The following APBB2 variants were observed in gnomAD, a reference collection of about 807,000 sequenced individuals.
APBB2 encodes the protein Fe65-like 1.
Under a neutral mutation model 82.5 loss-of-function variants are expected in APBB2, and 38 were observed. The observed-to-expected ratio is 0.46, with a 90% CI of 0.36 to 0.60. The LOEUF (loss-of-function observed/expected upper bound fraction) is 0.60. Ranked by LOEUF, APBB2 falls within the 20% of genes least tolerant of loss-of-function variation. APBB2 has a pLI of 0.00. For missense variants in APBB2, 772 were observed against 972.3 expected (o/e 0.79, Z 2.74); for synonymous variants, 341 against 368.2 (o/e 0.93, Z 0.85).
chr4:41,109,783 G>A (rs1748544339), intron 2 of APBB2, among the ~76,000 whole-genome samples: 1 of 152,068 alleles, frequency 6.6e-6, no homozygotes, highest in South Asian at 2.1e-4. Context: ...AAAGCAATAT[G>A]ATTTTATAAA....
At chr4:41,057,446 C>T (rs376284461) in intron 4 of APBB2, among the ~76,000 whole-genome samples, 2 of 152,196 alleles carry the variant, frequency 1.3e-5, no homozygotes, top group South Asian at 2.1e-4. Context: ...AGTAAGACTC[C>T]GTCTCAAAAA....
At chr4:41,202,742 A>C (rs955424859) in intron 1 of APBB2, among the ~76,000 whole-genome samples, 4 of 152,222 alleles carry the variant, frequency 2.6e-5, no homozygotes, top group Admixed American at 1.3e-4. Context: ...AATGTGCTTT[A>C]ATGAAAATCT....
In APBB2 at chr4:40,814,215, T is replaced by C. The variant is rs1745049339; in HGVS notation, c.*1877A>G. 1.3e-5 allele frequency: 2 copies of C among 152,326 alleles called. No homozygotes were observed. Among genetic ancestry groups the C allele is most frequent in the East Asian group, 3.9e-4 (2 of 5,182 alleles). The allele number at this position is 152,326 out of a possible 1,614,324, so 9.4% of individuals were successfully genotyped here. On this transcript the variant is annotated 3_prime_UTR_variant, in exon 18 of 18. Transcript: ENST00000508593. Reference sequence around the variant, plus strand: ...CCTCTACAACACTTTTGAGGCACGCTGTAGGAAAACAGTCCTGGACTTAGA... The same window carrying C: ...CCTCTACAACACTTTTGAGGCACGCCGTAGGAAAACAGTCCTGGACTTAGA...
chr4:41,038,536 T>TA, intron 4 of APBB2, among the ~76,000 whole-genome samples: 1 of 152,200 alleles, frequency 6.6e-6, no homozygotes, highest in East Asian at 1.9e-4. Flanking sequence ...CAATGCCAGA[T>TA]AAACACTGCT....
At chr4:40,849,464 T>G (rs375175406) in intron 12 of APBB2, among the ~76,000 whole-genome samples, 63 of 152,346 alleles carry the variant, frequency 4.1e-4, no homozygotes, top group Middle Eastern at 3.4e-3. Context: ...CGTATATTGA[T>G]TTCTATCAAG....
chr4:41,116,524 G>A (rs902832237), intron 2 of APBB2, among the ~76,000 whole-genome samples: 5 of 152,078 alleles, frequency 3.3e-5, no homozygotes, highest in South Asian at 2.1e-4. Flanking sequence ...CCAGCTACTC[G>A]GGAGGCTGAG....
chr4:40,949,593 G>A (rs147916553), intron 6 of APBB2, among the ~76,000 whole-genome samples: 9 of 152,170 alleles, frequency 5.9e-5, no homozygotes, highest in Admixed American at 2.6e-4. Flanking sequence ...GGACCAACGA[G>A]ACGAGAGGGA....
At chr4:40,907,671 CTTTTTTTTTTT>C (rs34413606) in intron 10 of APBB2, among the ~76,000 whole-genome samples, 5 of 94,866 alleles carry the variant, frequency 5.3e-5, no homozygotes, top group African/African-American at 1.6e-4. Context: ...GTGCCTGACC[CTTTTTTTTTTT>C]TTTTTTTTTT....
At chr4:41,191,397 T>C (rs1377259719) in intron 1 of APBB2, among the ~76,000 whole-genome samples, 1 of 152,232 alleles carries the variant, frequency 6.6e-6, no homozygotes, top group Admixed American at 6.5e-5. Context: ...TAAAGTTTAT[T>C]TCTACGCATT....
chr4:41,070,860 C>T (rs909810643), intron 3 of APBB2, among the ~76,000 whole-genome samples: 4 of 152,036 alleles, frequency 2.6e-5, no homozygotes, highest in African/African-American at 7.2e-5. Context: ...GATAAATATA[C>T]GCTATTCACT....
chr4:40,986,551 G>T (rs1260409466), intron 6 of APBB2, among the ~76,000 whole-genome samples: 1 of 152,198 alleles, frequency 6.6e-6, no homozygotes, highest in African/African-American at 2.4e-5. Context: ...TGGTATCAAT[G>T]CTTCCTTGTC....
rs148601381 is a variant in APBB2, at chr4:41,061,506, AATG to A, written c.-51+4067_-51+4069del. On this transcript the variant is annotated intron_variant, in intron 4 of 17. Transcript: ENST00000508593. ...TGAATACCGCAGGCAAATGTGATAC[AATG>A]ATAAGTATTTGGGCACCTAAACATA... 4.5e-4 allele frequency among the ~76,000 whole-genome samples: 69 copies of A among 152,364 alleles called. 1 individual carries two copies. The East Asian group carries it at 9.2e-3, about 20-fold the overall frequency.
At chr4:40,908,307 G>A (rs1777613927) in intron 10 of APBB2, among the ~76,000 whole-genome samples, 1 of 152,168 alleles carries the variant, frequency 6.6e-6, no homozygotes, top group African/African-American at 2.4e-5. Context: ...CACCTCGTCT[G>A]TGGTATTTTG....
At chr4:41,036,398 G>A (rs1418208695) in intron 4 of APBB2, among the ~76,000 whole-genome samples, 1 of 152,092 alleles carries the variant, frequency 6.6e-6, no homozygotes, top group East Asian at 1.9e-4. Context: ...TTAAGAATTA[G>A]ACATTCTGCT....
At chr4:41,064,346 C>T (rs1247072875) in intron 4 of APBB2, among the ~76,000 whole-genome samples, 1 of 152,030 alleles carries the variant, frequency 6.6e-6, no homozygotes, top group Admixed American at 6.5e-5. Flanking sequence ...CATAACTTTC[C>T]TATAAAGAAA....
chr4:41,070,036 C>T (rs1388522383), intron 3 of APBB2, among the ~76,000 whole-genome samples: 1 of 152,118 alleles, frequency 6.6e-6, no homozygotes, highest in African/African-American at 2.4e-5. Flanking sequence ...GTCATCCTCC[C>T]CTGTGAAGGA....
At chr4:40,945,405 CAT>C (rs975879900) in intron 6 of APBB2, among the ~76,000 whole-genome samples, 31 of 151,420 alleles carry the variant, frequency 2.0e-4, no homozygotes, top group African/African-American at 7.6e-4. Flanking sequence ...ACAAAATTCA[CAT>C]AGTTATACAC....
In APBB2 at chr4:41,013,923, A is replaced by G; in HGVS notation, c.495T>C (p.Tyr165=). The change falls in exon 6 of 18, where the codon TAT becomes TAC. Residue 165 remains tyrosine (Y), a synonymous_variant. Transcript: ENST00000508593. ...CTCTGGCTGAGGTTTCCAGATCTGC[A>G]TAGTAATTTAGGAAGCTCTTAGTTC... The part of the protein sequence containing the change: ...PRRTKSFLNY[Y]ADLETSAREL... 2.5e-6 allele frequency: 4 copies of G among 1,614,142 alleles called. No homozygotes were observed. Among genetic ancestry groups the G allele is most frequent in the Non-Finnish European group, 3.4e-6 (4 of 1,180,036 alleles).
At position 40,955,962 on chromosome 4, in the gene APBB2, C is replaced by G. The variant is rs546299021; in HGVS notation, c.836-10889G>C. 5.6e-3 allele frequency among the ~76,000 whole-genome samples: 858 copies of G among 152,028 alleles called. 3 individuals are homozygous for G. The highest frequency in any genetic ancestry group is 0.024 in the Middle Eastern group (7 of 294). ...GGCTAATTTTTGTATTTTTAGTAGA[C>G]AGGGTTTCACCATGTTGGCCAGGCT... On this transcript the variant is annotated intron_variant, in intron 6 of 17. Transcript: ENST00000508593.
Sources: gnomAD v4.1 joint callset for allele counts (sites outside exome capture counted in the v4.1 genomes callset) on GRCh38, gnomAD v4.1.1 for gene constraint, MANE v1.5 for transcripts, NCBI Gene and HGNC (gene_info 2026-07-23, HGNC 2026-07-21) for gene names.